Variants in CFAP54 observed in about 807,000 individuals in gnomAD.
CFAP54 encodes cilia and flagella associated protein 54.
A neutral mutation model predicts 370.4 loss-of-function variants in CFAP54; 290 were observed. That is an observed-to-expected ratio of 0.78 (90% CI 0.71 to 0.86). The LOEUF is 0.86. Ranked by LOEUF, CFAP54 falls within the 40% of genes least tolerant of loss-of-function variation. The pLI is 0.00. For missense variants in CFAP54, 3,399 were observed against 3,528.7 expected, an observed-to-expected ratio of 0.96 and a Z score of 0.93; for synonymous variants, 1,206 against 1,236.5, an observed-to-expected ratio of 0.98 and a Z score of 0.52.
chr12:96,713,185 A>G (rs1023469509), intron 48 of CFAP54, among the ~76,000 whole-genome samples: 5 of 152,326 alleles, frequency 3.3e-5, no homozygotes, highest in South Asian at 2.1e-4. Context: ...TCTTTTCTGT[A>G]TATCCAAAAG....
chr12:96,643,867 T>C (rs1288942988), intron 32 of CFAP54, among the ~76,000 whole-genome samples: 1 of 152,196 alleles, frequency 6.6e-6, no homozygotes, highest in Non-Finnish European at 1.5e-5. Flanking sequence ...CCTAATTTTG[T>C]TGTCTAATCT....
intron 65 of CFAP54, among the ~76,000 whole-genome samples, chr12:96,819,709 G>A (rs1400988532): frequency 6.6e-6 from 1 of 152,036 alleles, no homozygotes; most frequent in Non-Finnish European, 1.5e-5. Context: ...GATTTTTCTT[G>A]ACTTGTCTTT....
chr12:96,705,946 AT>A (rs11340465), intron 47 of CFAP54, among the ~76,000 whole-genome samples: 132,108 of 151,906 alleles, frequency 0.87, 57,771 homozygotes, highest in African/African-American at 0.95. Flanking sequence ...AAACAATGGA[AT>A]TTTTTTTGTT....
At chr12:96,545,708 C>A (rs1319346861) in intron 14 of CFAP54, among the ~76,000 whole-genome samples, 2 of 152,180 alleles carry the variant, frequency 1.3e-5, no homozygotes, top group Non-Finnish European at 2.9e-5. Flanking sequence ...CAAATCATAG[C>A]AATGGGTTTC....
chr12:96,501,214 A>G, intron 2 of CFAP54: 2 of 273,420 alleles, frequency 7.3e-6, no homozygotes, highest in South Asian at 9.7e-5. Context: ...AGGGTGTGGT[A>G]GGCACACAAC....
chr12:96,621,735 T>A lies in CFAP54; in HGVS notation c.3771+14T>A. 1 of 1,517,508 alleles carries A rather than the reference T, an allele frequency of 6.6e-7. No individual in the cohort carries two copies. The highest frequency in any genetic ancestry group is 8.8e-7 in the Non-Finnish European group (1 of 1,137,580). 94.0% of individuals were successfully genotyped at this position (1,517,508 alleles called of 1,614,324 possible). A position where few individuals can be genotyped will look rare whatever the true frequency, so the allele number is the denominator to read the frequency against. ...ATGCCAGAGGAGGTAATTGTTTTTG[T>A]TTCTCATTTTTAAACCTACGTTTAG... On this transcript the variant is annotated intron_variant, in intron 27 of 67. Transcript: ENST00000524981.
intron 39 of CFAP54, among the ~76,000 whole-genome samples, chr12:96,678,904 G>A (rs944664476): frequency 6.6e-6 from 1 of 152,124 alleles, no homozygotes; most frequent in African/African-American, 2.4e-5. Flanking sequence ...GCTTCCACTT[G>A]TTCAACTTGT....
rs138386414 is a variant in CFAP54, at chr12:96,740,912, A to T, written c.7071+851A>T. ...CAGAGAAGTTGCTAAACTTCCTTTA[A>T]TCTACAGGACAGCCCTCCACAGCAG... On this transcript the variant is annotated intron_variant, in intron 51 of 67. Coordinates refer to ENST00000524981, the MANE Select transcript of CFAP54 (RefSeq NM_001306084.2). 3.4e-3 allele frequency among the ~76,000 whole-genome samples: 511 copies of T among 152,270 alleles called. 4 individuals carry two copies. Among genetic ancestry groups the T allele is most frequent in the African/African-American group, 0.011 (464 of 41,574 alleles).
At chr12:96,739,363 A>C (rs1158924542) in intron 50 of CFAP54, among the ~76,000 whole-genome samples, 1 of 152,208 alleles carries the variant, frequency 6.6e-6, no homozygotes, top group African/African-American at 2.4e-5. Context: ...TAAAATACAG[A>C]CAAATTTATG....
chr12:96,713,706 T>C (rs1265401834), intron 48 of CFAP54, among the ~76,000 whole-genome samples: 1 of 151,870 alleles, frequency 6.6e-6, no homozygotes, highest in African/African-American at 2.4e-5. Flanking sequence ...TGGGGTGTGA[T>C]TTAAAATAGG....
At chr12:96,496,013 A>G (rs989414560) in intron 1 of CFAP54, among the ~76,000 whole-genome samples, 2 of 152,234 alleles carry the variant, frequency 1.3e-5, no homozygotes, top group Non-Finnish European at 2.9e-5. Context: ...GTGAAGCAGC[A>G]AATGAAAGTG....
intron 55 of CFAP54, among the ~76,000 whole-genome samples, chr12:96,745,794 T>A (rs1314433284): frequency 6.6e-6 from 1 of 152,238 alleles, no homozygotes; most frequent in African/African-American, 2.4e-5. Flanking sequence ...TAAACTTGTG[T>A]CTTACAAATA....
intron 57 of CFAP54, 142 bp from the exon 58 acceptor site, chr12:96,757,353 C>T: frequency 2.2e-6 from 1 of 454,402 alleles, no homozygotes; most frequent in South Asian, 4.3e-5. Flanking sequence ...GTCAAAAGTG[C>T]TATGAAAAGA....
At chr12:96,825,616 T>C (rs1421019767) in intron 65 of CFAP54, among the ~76,000 whole-genome samples, 7 of 119,672 alleles carry the variant, frequency 5.8e-5, no homozygotes, top group Admixed American at 1.1e-4. Flanking sequence ...TTATATATGA[T>C]ATAATATATA....
At chr12:96,617,216 C>A (rs1042228781) in intron 26 of CFAP54, among the ~76,000 whole-genome samples, 12 of 151,982 alleles carry the variant, frequency 7.9e-5, no homozygotes, top group African/African-American at 2.9e-4. Flanking sequence ...ATTTTGGAGT[C>A]GATAGGATAT....
chr12:96,829,822 C>T (rs1202474578), intron 66 of CFAP54, among the ~76,000 whole-genome samples: 1 of 152,020 alleles, frequency 6.6e-6, no homozygotes, highest in Non-Finnish European at 1.5e-5. Flanking sequence ...CTGTCCAGAA[C>T]TTTTCATCAT....
At chr12:96,553,653 C>T (rs1382855338) in intron 15 of CFAP54, among the ~76,000 whole-genome samples, 1 of 150,592 alleles carries the variant, frequency 6.6e-6, no homozygotes, top group African/African-American at 2.4e-5. Flanking sequence ...AAAGTTTGGG[C>T]AAAGCTGGTT....
At chr12:96,864,395 A>G (rs527407380) in intron 67 of CFAP54, among the ~76,000 whole-genome samples, 1 of 152,276 alleles carries the variant, frequency 6.6e-6, no homozygotes, top group South Asian at 2.1e-4. Context: ...TGCTTTAGAA[A>G]TTGACCACTG....
chr12:96,639,198 G>C (rs911648691), intron 32 of CFAP54, among the ~76,000 whole-genome samples: 4 of 152,152 alleles, frequency 2.6e-5, no homozygotes, highest in Non-Finnish European at 5.9e-5. Context: ...TAGTAAAGAA[G>C]AAAAGAGAGA....
Sources: allele counts gnomAD v4.1 joint callset (sites outside exome capture counted in the v4.1 genomes callset), GRCh38; gene constraint gnomAD v4.1.1; transcripts MANE v1.5; gene names NCBI Gene and HGNC (gene_info 2026-07-23, HGNC 2026-07-21).